SLC39A8: variants seen among roughly 807,000 people sequenced by gnomAD.
The protein encoded by SLC39A8 is metal cation symporter ZIP8.
In SLC39A8, 15 loss-of-function variants were observed where a neutral mutation model predicts 40.4. The ratio of observed to expected loss-of-function variants is 0.37; its 90% CI spans 0.25 to 0.57. SLC39A8 has a LOEUF of 0.57. Among genes scored for constraint, SLC39A8 ranks in the 20% least tolerant of loss-of-function variants. The probability of loss-of-function intolerance (pLI) is 0.75; values close to 1 mark genes in which losing one functional copy is unlikely to be tolerated. For synonymous variants in SLC39A8, 223 were observed against 221.6 expected, an observed-to-expected ratio of 1.01 and a Z score of -0.06; for missense variants, 472 against 558.8, an observed-to-expected ratio of 0.84 and a Z score of 1.57.
chr4:102,334,510 C>T (rs1162268217), intron 2 of SLC39A8, among the ~76,000 whole-genome samples: 2 of 152,142 alleles, frequency 1.3e-5, no homozygotes, highest in East Asian at 3.8e-4. Flanking sequence ...ATTGCAAGTA[C>T]AACTTTAACA....
chr4:102,253,836 A>G (rs1380498626), intron 11 of SLC39A8, among the ~76,000 whole-genome samples: 3 of 152,272 alleles, frequency 2.0e-5, no homozygotes, highest in African/African-American at 7.2e-5. Context: ...GTGTGGCTAT[A>G]GTGTGCGTAC....
At chr4:102,313,075 T>G (rs1224757876) in intron 3 of SLC39A8, among the ~76,000 whole-genome samples, 1 of 152,194 alleles carries the variant, frequency 6.6e-6, no homozygotes, top group Non-Finnish European at 1.5e-5. Flanking sequence ...ATTTCAAAAT[T>G]GAAATTACTG....
Position 102,263,187 on chromosome 4 carries a change from C to T in SLC39A8, c.1240G>A (p.Glu414Lys). ...TTTTCTCTCAGCATATCATTCATCT[C>T]TGGAAACTAGAAGACAGATATATTG... ...LYISLADMFP[E>K]MNDMLREKVT... Residue 414 changes from glutamate (E) to lysine (K), a missense_variant, in exon 9 of 9, where the codon GAG becomes AAG. Physicochemically the swap from Glu to Lys is moderately conservative, Grantham distance 56. Coordinates refer to ENST00000356736, the MANE Select transcript of SLC39A8 (RefSeq NM_001135146.2). 1 of 1,613,164 alleles carries T rather than the reference C, an allele frequency of 6.2e-7. No individual in the cohort carries two copies. The highest frequency in any genetic ancestry group is 8.5e-7 in the Non-Finnish European group (1 of 1,179,514).
Position 102,320,366 on chromosome 4 carries a change from GTA to G in SLC39A8, c.220-4538_220-4537del, listed in dbSNP as rs1460218971. On this transcript the variant is annotated intron_variant, in intron 2 of 8. Transcript: ENST00000356736. Reference sequence around the variant, plus strand: ...TATATATATGAGAATATATATATGAGTATATATATATGAGAATATATATATGA... The same window carrying G: ...TATATATATGAGAATATATATATGAGTATATATATGAGAATATATATATGA... Among the ~76,000 whole-genome samples, 122 of 117,514 alleles carry G rather than the reference GTA, an allele frequency of 1.0e-3. 2 individuals carry two copies. The highest frequency in any genetic ancestry group is 3.5e-3 in the African/African-American group (109 of 31,296). 77.1% of individuals were successfully genotyped at this position (117,514 alleles called of 152,430 possible). A position where few individuals can be genotyped will look rare whatever the true frequency, so the allele number is the denominator to read the frequency against.
intron 2 of SLC39A8, among the ~76,000 whole-genome samples, chr4:102,337,240 A>C (rs944053685): frequency 2.6e-5 from 4 of 152,036 alleles, no homozygotes; most frequent in African/African-American, 9.7e-5. Flanking sequence ...TCTCAAAAAA[A>C]AAAAAAAAGA....
intron 6 of SLC39A8, among the ~76,000 whole-genome samples, chr4:102,284,154 T>C (rs1733043671): frequency 6.6e-6 from 1 of 152,234 alleles, no homozygotes; most frequent in African/African-American, 2.4e-5. Context: ...TTTTGTTACA[T>C]GTATAGATTG....
At chr4:102,291,672 C>T (rs1421809040) in intron 6 of SLC39A8, among the ~76,000 whole-genome samples, 2 of 145,566 alleles carry the variant, frequency 1.4e-5, no homozygotes, top group Non-Finnish European at 3.1e-5. Flanking sequence ...TCTGTTTCTT[C>T]TGTTTTTTCT....
downstream of SLC39A8, among the ~76,000 whole-genome samples, chr4:102,260,677 G>A (rs1731825858): frequency 6.6e-6 from 1 of 152,198 alleles, no homozygotes; most frequent in Non-Finnish European, 1.5e-5. Flanking sequence ...TTATAAGAAG[G>A]AAAGTAAACC....
intron 6 of SLC39A8, among the ~76,000 whole-genome samples, chr4:102,275,666 A>G (rs1732586365): frequency 1.3e-5 from 2 of 152,184 alleles, no homozygotes; most frequent in South Asian, 4.1e-4. Context: ...TCCACCCCCA[A>G]ATCAACAGAA....
Position 102,307,459 on chromosome 4 carries a change from C to A in SLC39A8, c.529G>T (p.Ala177Ser), listed in dbSNP as rs769705366. 14 of 1,612,924 alleles carry A rather than the reference C, an allele frequency of 8.7e-6. No homozygotes were observed. The East Asian group carries it at 1.8e-4, about 21-fold the overall frequency. ...ACCTCTGGAATAAGTTGGAAAATTG[C>A]ATTTGAAAAAAGAGTCCCAATAGCC... ...GLAIGTLFSN[A>S]IFQLIPEAFG... Residue 177 changes from alanine (A) to serine (S), a missense_variant, in exon 4 of 9, where the codon GCA (alanine) becomes TCA (serine). By Grantham distance (99) the Ala-to-Ser change is moderately conservative. Coordinates refer to ENST00000356736, the MANE Select transcript of SLC39A8 (RefSeq NM_001135146.2).
At chr4:102,282,633 A>G (rs1732950107) in intron 6 of SLC39A8, among the ~76,000 whole-genome samples, 1 of 151,974 alleles carries the variant, frequency 6.6e-6, no homozygotes, top group African/African-American at 2.4e-5. Context: ...GGGGGTGCTG[A>G]ATTAAGTAGA....
At position 102,262,872 on chromosome 4, in the gene SLC39A8, T is replaced by G; in HGVS notation, c.*172A>C. 1 of 1,373,314 alleles carries G rather than the reference T, an allele frequency of 7.3e-7. No homozygotes were observed. Among genetic ancestry groups the G allele is most frequent in the Non-Finnish European group, 9.4e-7 (1 of 1,066,432 alleles). 85.1% of individuals were successfully genotyped at this position (1,373,314 alleles called of 1,614,324 possible). Reference sequence around the variant, plus strand: ...CACTGAAAACCTTTTGAAGCATTTTTAACAACAAATAATGGACTATTTCAC... The same window carrying G: ...CACTGAAAACCTTTTGAAGCATTTTGAACAACAAATAATGGACTATTTCAC... On this transcript the variant is annotated 3_prime_UTR_variant, in exon 9 of 9. Transcript: ENST00000356736.
chr4:102,271,734 A>T (rs1732372393), intron 6 of SLC39A8, among the ~76,000 whole-genome samples: 1 of 152,232 alleles, frequency 6.6e-6, no homozygotes, highest in Middle Eastern at 3.2e-3. Context: ...AAGCACCATC[A>T]TTCATGGACT....
chr4:102,282,149 C>T (rs1263217640), intron 6 of SLC39A8, among the ~76,000 whole-genome samples: 1 of 152,164 alleles, frequency 6.6e-6, no homozygotes, highest in Non-Finnish European at 1.5e-5. Context: ...AGCCTCCATG[C>T]CAAAGAAGCT....
chr4:102,288,451 T>C (rs1306376106), intron 6 of SLC39A8, among the ~76,000 whole-genome samples: 1 of 152,030 alleles, frequency 6.6e-6, no homozygotes, highest in Non-Finnish European at 1.5e-5. Flanking sequence ...TAACTAATAA[T>C]CCTAAAATGG....
intron 2 of SLC39A8, among the ~76,000 whole-genome samples, chr4:102,339,420 G>A (rs2149056758): frequency 6.6e-6 from 1 of 152,082 alleles, no homozygotes; most frequent in East Asian, 1.9e-4. Context: ...CCCCACCCCA[G>A]GAAAAAGTGC....
chr4:102,304,129 T>G (rs976463461), intron 6 of SLC39A8, among the ~76,000 whole-genome samples, 188 bp downstream of exon 6: 2 of 151,852 alleles, frequency 1.3e-5, no homozygotes, highest in Non-Finnish European at 2.9e-5. Flanking sequence ...CTTAACTCAC[T>G]TGTTTAGAGT....
intron 2 of SLC39A8, among the ~76,000 whole-genome samples, chr4:102,316,918 C>A (rs1415939040): frequency 6.6e-6 from 1 of 152,144 alleles, no homozygotes; most frequent in Non-Finnish European, 1.5e-5. Flanking sequence ...AAAGAGCCTG[C>A]TCACTTGCTC....
intron 11 of SLC39A8, among the ~76,000 whole-genome samples, chr4:102,255,844 C>T (rs1305311790): frequency 1.3e-5 from 2 of 152,214 alleles, no homozygotes; most frequent in Non-Finnish European, 2.9e-5. Flanking sequence ...TATACAATGT[C>T]ATCTTTATGA....
Sources: allele counts gnomAD v4.1 joint callset (sites outside exome capture counted in the v4.1 genomes callset), GRCh38; gene constraint gnomAD v4.1.1; transcripts MANE v1.5; gene names NCBI Gene and HGNC (gene_info 2026-07-23, HGNC 2026-07-21).